NTM: variants seen among roughly 807,000 people sequenced by gnomAD.
NTM encodes neurotrimin.
NTM carries 13 observed loss-of-function variants against 42.1 expected under a neutral mutation model. The observed-to-expected ratio is 0.31, with a 90% confidence interval of 0.20 to 0.49. The LOEUF (loss-of-function observed/expected upper bound fraction) is 0.49, where lower values mean the gene tolerates loss of function less well. Ranked by LOEUF, NTM falls within the 20% of genes least tolerant of loss-of-function variation. The pLI, the probability that NTM is intolerant of heterozygous loss-of-function variation, is 0.99. For missense variants in NTM, 373 were observed against 452.8 expected, an observed-to-expected ratio of 0.82 and a Z score of 1.60; for synonymous variants, 187 against 179.2, an observed-to-expected ratio of 1.04 and a Z score of -0.35.
chr11:131,428,483 G>A (rs1482939724), intron 1 of NTM, among the ~76,000 whole-genome samples: 1 of 151,982 alleles, frequency 6.6e-6, no homozygotes, highest in Non-Finnish European at 1.5e-5. Context: ...ACCTGCTTTG[G>A]ATGGTGGCCC....
chr11:131,460,797 G>A (rs61625570), intron 1 of NTM, among the ~76,000 whole-genome samples: 9,262 of 152,148 alleles, frequency 0.061, 652 homozygotes, highest in East Asian at 0.21. Flanking sequence ...CAAATGATCC[G>A]CCCGCTTGGG....
intron 2 of NTM, among the ~76,000 whole-genome samples, chr11:132,087,957 C>T (rs2059931421): frequency 6.6e-6 from 1 of 152,160 alleles, no homozygotes; most frequent in Admixed American, 6.5e-5. Context: ...CCCTTGGGTC[C>T]CCGGCATTGG....
At chr11:131,460,663 C>T (rs1171588806) in intron 1 of NTM, among the ~76,000 whole-genome samples, 4 of 152,152 alleles carry the variant, frequency 2.6e-5, no homozygotes, top group African/African-American at 9.7e-5. Context: ...AGCGATTCTC[C>T]TGCCTCAACC....
At chr11:131,856,056 C>T (rs989084577) in intron 1 of NTM, among the ~76,000 whole-genome samples, 6 of 152,124 alleles carry the variant, frequency 3.9e-5, no homozygotes, top group East Asian at 3.9e-4. Flanking sequence ...ATTAGACAGT[C>T]GCTGCGTATT....
chr11:131,652,877 G>A (rs1393341407), intron 1 of NTM, among the ~76,000 whole-genome samples: 1 of 152,176 alleles, frequency 6.6e-6, no homozygotes, highest in Non-Finnish European at 1.5e-5. Flanking sequence ...CATGGGTGGC[G>A]GTCACTCCGC....
At chr11:131,723,775 G>A (rs2078636647) in intron 1 of NTM, among the ~76,000 whole-genome samples, 1 of 152,012 alleles carries the variant, frequency 6.6e-6, no homozygotes. Context: ...ATTCAACAAA[G>A]AAGTGTGCAT....
At chr11:132,179,630 T>G (rs942653600) in intron 3 of NTM, among the ~76,000 whole-genome samples, 2 of 152,166 alleles carry the variant, frequency 1.3e-5, no homozygotes, top group African/African-American at 2.4e-5. Context: ...TCCTTCCAAG[T>G]CATTTTGGAA....
rs960069493 is a variant in NTM at position 131,811,285 on chromosome 11, C to T, written c.83-100279C>T. Reference sequence around the variant, plus strand: ...CATCCTTTGTGTCCTCATAGCAGAACAAAGGATGCAGCCTCTCATCATCAT... The same window carrying T: ...CATCCTTTGTGTCCTCATAGCAGAATAAAGGATGCAGCCTCTCATCATCAT... On this transcript the variant is annotated intron_variant, in intron 1 of 8. Coordinates refer to ENST00000683400, the MANE Select transcript of NTM (RefSeq NM_001352005.2). Among the ~76,000 whole-genome samples the T allele has an allele frequency of 5.3e-5, 8 of 152,276 alleles. No individual in the cohort carries two copies. In the East Asian group the frequency reaches 1.4e-3, roughly 26 times the overall value.
chr11:131,518,983 CT>C (rs1252474586), intron 1 of NTM, among the ~76,000 whole-genome samples: 1 of 152,218 alleles, frequency 6.6e-6, no homozygotes, highest in Non-Finnish European at 1.5e-5. Flanking sequence ...TTTTATTTCT[CT>C]GCAGAAGTAT....
intron 2 of NTM, among the ~76,000 whole-genome samples, chr11:131,968,045 ACCATGTGCCTACAC>A (rs1451664009): frequency 9.9e-5 from 15 of 152,176 alleles, no homozygotes; most frequent in African/African-American, 3.4e-4. Flanking sequence ...TAAATGCGAA[ACCATGTGCCTACAC>A]GTGCTAGCTA....
chr11:131,911,732 C>A, intron 2 of NTM, 84 bp downstream of exon 2: 2 of 1,548,306 alleles, frequency 1.3e-6, no homozygotes, highest in South Asian at 1.2e-5. Context: ...TGCACTGAGG[C>A]GTGCCTGGGT....
intron 1 of NTM, among the ~76,000 whole-genome samples, chr11:131,575,295 CA>C (rs2057821161): frequency 6.6e-6 from 1 of 152,204 alleles, no homozygotes; most frequent in Non-Finnish European, 1.5e-5. Context: ...TCTTCTGTGA[CA>C]GGGAGCCCCC....
intron 1 of NTM, among the ~76,000 whole-genome samples, chr11:131,468,004 T>C (rs533510033): frequency 6.6e-6 from 1 of 152,240 alleles, no homozygotes; most frequent in East Asian, 1.9e-4. Context: ...CCAAAACTTC[T>C]TGAGTCACCT....
intron 1 of NTM, among the ~76,000 whole-genome samples, chr11:131,886,357 C>T (rs751481813): frequency 9.8e-4 from 149 of 152,350 alleles, no homozygotes; most frequent in Non-Finnish European, 1.7e-3. Context: ...TCATCCTCCT[C>T]AATGAAATTC....
chr11:131,661,816 C>T (rs578211999), intron 1 of NTM, among the ~76,000 whole-genome samples: 6 of 152,232 alleles, frequency 3.9e-5, no homozygotes, highest in Non-Finnish European at 5.9e-5. Flanking sequence ...ACTGATGGCT[C>T]TGTCCCACAC....
At chr11:132,155,474 G>A (rs1591869433) in intron 3 of NTM, among the ~76,000 whole-genome samples, 1 of 152,120 alleles carries the variant, frequency 6.6e-6, no homozygotes, top group East Asian at 1.9e-4. Flanking sequence ...CGCTGATGTG[G>A]GTCCCTGTTC....
intron 2 of NTM, among the ~76,000 whole-genome samples, chr11:132,035,208 C>T (rs2076368667): frequency 6.6e-6 from 1 of 152,114 alleles, no homozygotes; most frequent in African/African-American, 2.4e-5. Flanking sequence ...TCTGTCATAC[C>T]AGAGTGAGTC....
At chr11:131,453,475 A>G (rs1950633260) in intron 1 of NTM, among the ~76,000 whole-genome samples, 1 of 152,126 alleles carries the variant, frequency 6.6e-6, no homozygotes, top group African/African-American at 2.4e-5. Flanking sequence ...AATAGAGACT[A>G]CTTTTCTCTA....
chr11:132,207,349 C>T (rs999364220), intron 3 of NTM, among the ~76,000 whole-genome samples: 1 of 152,140 alleles, frequency 6.6e-6, no homozygotes, highest in Non-Finnish European at 1.5e-5. Flanking sequence ...TCGTGCACTC[C>T]TTGTGAAAAT....
Sources: gnomAD v4.1 joint callset for allele counts (sites outside exome capture counted in the v4.1 genomes callset) on GRCh38, gnomAD v4.1.1 for gene constraint, MANE v1.5 for transcripts, NCBI Gene and HGNC (gene_info 2026-07-23, HGNC 2026-07-21) for gene names.